Variants in RBP5 observed in about 807,000 individuals in gnomAD.
RBP5 encodes the protein retinol binding protein 5, also known as retinol-binding protein 5.
A neutral mutation model predicts 17.8 loss-of-function variants in RBP5; 12 were observed. The observed-to-expected ratio is 0.67, with a 90% confidence interval of 0.43 to 1.09. RBP5 has a LOEUF of 1.09. Among genes scored for constraint, RBP5 ranks in the 50% least tolerant of loss-of-function variants. RBP5 has a pLI of 0.00. For missense variants in RBP5, 172 were observed against 169.4 expected (o/e 1.02, Z -0.09); for synonymous variants, 64 against 68.1 (o/e 0.94, Z 0.30).
chr12:7,128,818 G>T lies in RBP5; in HGVS notation c.-43C>A. 6.8e-7 allele frequency: 1 copy of T among 1,465,420 alleles called. No individual in the cohort carries two copies. Among genetic ancestry groups the T allele is most frequent in the Non-Finnish European group, 9.4e-7 (1 of 1,064,152 alleles). 90.8% of individuals were successfully genotyped at this position (1,465,420 alleles called of 1,614,324 possible). A position where few individuals can be genotyped will look rare whatever the true frequency, so the allele number is the denominator to read the frequency against. On this transcript the variant is annotated 5_prime_UTR_variant, in exon 1 of 4. Transcript: ENST00000266560. The surrounding 1 kb of genome is among the most constrained non-coding windows in gnomAD (Gnocchi z 5.3). ...CAGGAGAATGCAGGAGACAGGGTGA[G>T]GAAGGAGGGGGTGTTGTCTGGCAGG...
chr12:7,122,831 A>C (rs1405726008), downstream of RBP5, among the ~76,000 whole-genome samples: 1 of 152,158 alleles, frequency 6.6e-6, no homozygotes, highest in Non-Finnish European at 1.5e-5. Context: ...TTGGGCAGGG[A>C]ATAAGATTTT....
Position 7,124,014 on chromosome 12 carries a change from TG to T in RBP5, c.*106del. ...AGGAGGGACCCAGAGGGAGGAAAGG[TG>T]GCCAGAGGAAGGGACAGCTGACCTG... is the stretch of plus-strand genomic sequence containing the variant. On this transcript the variant is annotated 3_prime_UTR_variant, in exon 4 of 4. Transcript: ENST00000266560. This position sits in a 1 kb window ranked among gnomAD's most constrained non-coding sequence, Gnocchi z 5.3. 2 of 1,038,738 alleles carry T rather than the reference TG, an allele frequency of 1.9e-6. No homozygotes were observed. Among genetic ancestry groups the T allele is most frequent in the South Asian group, 1.3e-5 (1 of 78,572 alleles). The allele number at this position is 1,038,738 out of a possible 1,614,324, so 64.3% of individuals were successfully genotyped here. A position where few individuals can be genotyped will look rare whatever the true frequency, so the allele number is the denominator to read the frequency against.
chr12:7,126,828 CAG>C (rs1244949000), intron 2 of RBP5, among the ~76,000 whole-genome samples: 1 of 152,034 alleles, frequency 6.6e-6, no homozygotes, highest in African/African-American at 2.4e-5. Flanking sequence ...CATTTTGATA[CAG>C]AGTCTTGCTC....
In RBP5 at chr12:7,124,190, A is replaced by G; in HGVS notation, c.355-16T>C. ...CAGTCAGTTCCTGGGGAGAGAGGGGAAGTGAGGGGGAGAGAGAAAGAGGGC... is the reference window on the plus strand; with the variant it reads ...CAGTCAGTTCCTGGGGAGAGAGGGGGAGTGAGGGGGAGAGAGAAAGAGGGC... On this transcript the variant is annotated splice_polypyrimidine_tract_variant and intron_variant, in intron 3 of 3. Transcript: ENST00000266560. The surrounding 1 kb of genome is among the most constrained non-coding windows in gnomAD (Gnocchi z 5.3). The G allele has an allele frequency of 6.2e-7, 1 of 1,613,546 alleles. No individual in the cohort carries two copies. Among genetic ancestry groups the G allele is most frequent in the Non-Finnish European group, 8.5e-7 (1 of 1,179,760 alleles).
At chr12:7,126,080 A>AC (rs1221918569) in intron 2 of RBP5, among the ~76,000 whole-genome samples, 2 of 148,440 alleles carry the variant, frequency 1.3e-5, no homozygotes, top group East Asian at 2.0e-4. Context: ...AAAAAAAAAA[A>AC]AACACAAAAA....
At chr12:7,123,229 C>T (rs1222271112), downstream of RBP5, among the ~76,000 whole-genome samples, 1 of 152,188 alleles carries the variant, frequency 6.6e-6, no homozygotes, top group Non-Finnish European at 1.5e-5. Context: ...AACTCTGGGA[C>T]CCTTGCTGTC....
At chr12:7,119,744 C>G (rs534767302), downstream of RBP5, among the ~76,000 whole-genome samples, 4 of 152,206 alleles carry the variant, frequency 2.6e-5, no homozygotes, top group Non-Finnish European at 5.9e-5. Context: ...CACTCCACTC[C>G]AGGTCCTCTG....
Position 7,128,589 on chromosome 12 carries a change from G to A in RBP5, c.73+114C>T. The A allele has an allele frequency of 1.6e-6, 2 of 1,231,670 alleles. No individual in the cohort carries two copies. Among genetic ancestry groups the A allele is most frequent in the Admixed American group, 4.0e-5 (2 of 50,494 alleles). The allele number at this position is 1,231,670 out of a possible 1,614,324, so 76.3% of individuals were successfully genotyped here. A position where few individuals can be genotyped will look rare whatever the true frequency, so the allele number is the denominator to read the frequency against. ...ATCCCAGGTCTGGTGCCAGCCGCCT[G>A]AGCCTTTCCACAGTGTCCAACCCCG... On this transcript the variant is annotated intron_variant, in intron 1 of 3. Transcript: ENST00000266560. This position sits in a 1 kb window ranked among gnomAD's most constrained non-coding sequence, Gnocchi z 5.3.
chr12:7,124,208 AAG>A lies in RBP5; in HGVS notation c.355-36_355-35del, dbSNP rs746353939. 4 of 1,609,696 alleles carry A rather than the reference AAG, an allele frequency of 2.5e-6. No individual in the cohort carries two copies. Among genetic ancestry groups the A allele is most frequent in the Non-Finnish European group, 3.4e-6 (4 of 1,176,270 alleles). On this transcript the variant is annotated intron_variant, in intron 3 of 3. Coordinates refer to ENST00000266560, the MANE Select transcript of RBP5 (RefSeq NM_031491.4). This position sits in a 1 kb window ranked among gnomAD's most constrained non-coding sequence, Gnocchi z 5.3. ...AGAGGGGAAGTGAGGGGGAGAGAGA[AAG>A]AGGGCGTTTGCCAGCCAGAGCCCCT... is the stretch of plus-strand genomic sequence containing the variant.
rs892977892 is a variant in RBP5 at position 7,117,400 on chromosome 12, G to A, written n.890-93C>T. ...GACGCTGGTTCTCATAGAAGTAGATGTATTATTTTAGTACAATAAGTGCAG... is the reference window on the plus strand; with the variant it reads ...GACGCTGGTTCTCATAGAAGTAGATATATTATTTTAGTACAATAAGTGCAG... On this transcript the variant is annotated intron_variant and non_coding_transcript_variant, in intron 3 of 3. Transcript: ENST00000619522. This position sits in a 1 kb window ranked among gnomAD's most constrained non-coding sequence, Gnocchi z 4.9. 1 of 152,196 alleles carries A rather than the reference G, an allele frequency of 6.6e-6. No homozygotes were observed. Among genetic ancestry groups the A allele is most frequent in the Non-Finnish European group, 1.5e-5 (1 of 68,026 alleles). The allele number at this position is 152,196 out of a possible 1,614,324, so 9.4% of individuals were successfully genotyped here. A position where few individuals can be genotyped will look rare whatever the true frequency, so the allele number is the denominator to read the frequency against.
In RBP5 at chr12:7,126,584, A is replaced by G. The variant is rs530404680; in HGVS notation, c.252+1656T>C. On this transcript the variant is annotated intron_variant, in intron 2 of 3. Transcript: ENST00000266560. ...GCTGGGAGCCTAGAGGTAAGGAAAC[A>G]AGAGATATTGACCATGACTCCCAGG... Among the ~76,000 whole-genome samples the G allele has an allele frequency of 5.3e-5, 8 of 150,722 alleles. No individual in the cohort carries two copies. The South Asian group carries it at 1.7e-3, about 32-fold the overall frequency.
At chr12:7,121,247 C>T (rs1452836377), downstream of RBP5, among the ~76,000 whole-genome samples, 1 of 151,980 alleles carries the variant, frequency 6.6e-6, no homozygotes, top group Admixed American at 6.6e-5. Context: ...GGGGTTCCTG[C>T]ATCTTAGGGA....
Position 7,124,546 on chromosome 12 carries a change from T to C in RBP5, c.354+83A>G. 1.3e-6 allele frequency: 1 copy of C among 780,684 alleles called. No individual in the cohort carries two copies. The highest frequency in any genetic ancestry group is 2.5e-5 in the East Asian group (1 of 40,716). 48.4% of individuals were successfully genotyped at this position (780,684 alleles called of 1,614,324 possible). A position where few individuals can be genotyped will look rare whatever the true frequency, so the allele number is the denominator to read the frequency against. Reference sequence around the variant, plus strand: ...GATTGGGGCTGGGCTGGGGGAAGAGTGGTGGACCTATCTGGTTTGGACAAG... The same window carrying C: ...GATTGGGGCTGGGCTGGGGGAAGAGCGGTGGACCTATCTGGTTTGGACAAG... On this transcript the variant is annotated intron_variant, in intron 3 of 3. Coordinates refer to ENST00000266560, the MANE Select transcript of RBP5 (RefSeq NM_031491.4). This position sits in a 1 kb window ranked among gnomAD's most constrained non-coding sequence, Gnocchi z 5.3.
chr12:7,123,856 C>T lies in RBP5; in HGVS notation c.*265G>A, dbSNP rs1015655038. 39 of 463,316 alleles carry T rather than the reference C, an allele frequency of 8.4e-5. No individual in the cohort carries two copies. In the East Asian group the frequency reaches 1.2e-3, roughly 14 times the overall value. 28.7% of individuals were successfully genotyped at this position (463,316 alleles called of 1,614,324 possible). A position where few individuals can be genotyped will look rare whatever the true frequency, so the allele number is the denominator to read the frequency against. On this transcript the variant is annotated 3_prime_UTR_variant, in exon 4 of 4. Coordinates refer to ENST00000266560, the MANE Select transcript of RBP5 (RefSeq NM_031491.4). The stretch of plus-strand genomic sequence containing the variant: ...GGAGATTGGTTGTTCTCAGGGGCTC[C>T]TTCCCTTTGCCTGCTTCTTTCATTT...
intron 2 of RBP5, among the ~76,000 whole-genome samples, chr12:7,126,521 GTGTGT>G (rs1939167251): frequency 4.7e-5 from 4 of 85,600 alleles, no homozygotes; most frequent in South Asian, 3.9e-4. Flanking sequence ...GTGTGTGTGT[GTGTGT>G]GTGTGTGTGT....
In RBP5 at chr12:7,117,786, C is replaced by T. The variant is rs190975364; in HGVS notation, n.890-479G>A. The T allele has an allele frequency of 4.6e-5, 7 of 152,302 alleles. No individual in the cohort carries two copies. In the East Asian group the frequency reaches 1.2e-3, roughly 25 times the overall value. 9.4% of individuals were successfully genotyped at this position (152,302 alleles called of 1,614,324 possible). ...CACTCGAAGACAAGGTCTCCATCAGCAGATTGCCCAACAGAACAAGTTCAG... is the reference window on the plus strand; with the variant it reads ...CACTCGAAGACAAGGTCTCCATCAGTAGATTGCCCAACAGAACAAGTTCAG... On this transcript the variant is annotated intron_variant and non_coding_transcript_variant, in intron 3 of 3. Transcript: ENST00000619522. The surrounding 1 kb of genome is among the most constrained non-coding windows in gnomAD (Gnocchi z 4.9).
Position 7,128,847 on chromosome 12 carries a change from G to A in RBP5, c.-72C>T. ...GGAGGGGGTGTTGTCTGGCAGGTGA[G>A]GCTGAGAGATTCCAGCCAGCTCCAC... On this transcript the variant is annotated 5_prime_UTR_variant, in exon 1 of 4. Coordinates refer to ENST00000266560, the MANE Select transcript of RBP5 (RefSeq NM_031491.4). This position sits in a 1 kb window ranked among gnomAD's most constrained non-coding sequence, Gnocchi z 5.3. 8.1e-7 allele frequency: 1 copy of A among 1,237,048 alleles called. No homozygotes were observed. Among genetic ancestry groups the A allele is most frequent in the South Asian group, 1.3e-5 (1 of 77,742 alleles). 76.6% of individuals were successfully genotyped at this position (1,237,048 alleles called of 1,614,324 possible). A position where few individuals can be genotyped will look rare whatever the true frequency, so the allele number is the denominator to read the frequency against.
At chr12:7,118,735 A>G (rs1939038881), downstream of RBP5, 1 of 152,302 alleles carries the variant, frequency 6.6e-6, no homozygotes, top group African/African-American at 2.4e-5. Flanking sequence ...ATACTGAGGC[A>G]TGAATGGAGG....
rs1275048605 is a variant in RBP5 at position 7,128,423 on chromosome 12, G to A, written c.74-5C>T. ...TCCGCACAGCCAAGCTGATGTCTGTGGGGGCTGCCTGTTAGTAGGGGTGCT... is the reference window on the plus strand; with the variant it reads ...TCCGCACAGCCAAGCTGATGTCTGTAGGGGCTGCCTGTTAGTAGGGGTGCT... On this transcript the variant is annotated splice_region_variant and splice_polypyrimidine_tract_variant and intron_variant, in intron 1 of 3. Coordinates refer to ENST00000266560, the MANE Select transcript of RBP5 (RefSeq NM_031491.4). This position sits in a 1 kb window ranked among gnomAD's most constrained non-coding sequence, Gnocchi z 5.3. 6.2e-7 allele frequency: 1 copy of A among 1,613,888 alleles called. No individual in the cohort carries two copies. The highest frequency in any genetic ancestry group is 1.3e-5 in the African/African-American group (1 of 75,046).
Sources: allele counts gnomAD v4.1 joint callset (sites outside exome capture counted in the v4.1 genomes callset), GRCh38; gene constraint gnomAD v4.1.1; non-coding constraint Gnocchi (gnomAD v3.1); transcripts MANE v1.5; gene names NCBI Gene and HGNC (gene_info 2026-07-23, HGNC 2026-07-21).